ZNF44: variants seen among roughly 807,000 people sequenced by gnomAD.
ZNF44 encodes the protein gonadotropin inducible transcription repressor-2.
A neutral mutation model predicts 11.7 loss-of-function variants in ZNF44; 9 were observed. The observed-to-expected ratio is 0.77, with a 90% CI of 0.46 to 1.35. ZNF44 has a LOEUF of 1.35. Ranked by LOEUF, ZNF44 falls within the 40% of genes most tolerant of loss-of-function variation. The pLI is 0.00. For missense variants in ZNF44, 696 were observed against 743.1 expected, an observed-to-expected ratio of 0.94 and a Z score of 0.74; for synonymous variants, 224 against 242.7, an observed-to-expected ratio of 0.92 and a Z score of 0.72.
chr19:12,284,867 C>G (rs749383250), intron 1 of ZNF44: 4 of 799,892 alleles, frequency 5.0e-6, no homozygotes, highest in Middle Eastern at 3.3e-4. Context: ...CAGGCCACTG[C>G]GGCTCTGTGC....
downstream of ZNF44, among the ~76,000 whole-genome samples, chr19:12,267,538 C>G (rs1917779859): frequency 6.6e-6 from 1 of 152,140 alleles, no homozygotes; most frequent in Admixed American, 6.5e-5. Context: ...CGCCAAGTGA[C>G]AAACATATTC....
At chr19:12,255,133 C>CA (rs1917192692) in intron 5 of ZNF44, among the ~76,000 whole-genome samples, 2 of 134,324 alleles carry the variant, frequency 1.5e-5, no homozygotes, top group African/African-American at 7.4e-5. Context: ...CACACACACA[C>CA]CCCTTTGTGG....
At chr19:12,247,311 A>G, downstream of ZNF44, 1 of 1,274,268 alleles carries the variant, frequency 7.8e-7, no homozygotes, top group Non-Finnish European at 1.0e-6. Context: ...ATGGTATTGT[A>G]AGGATGCACG....
chr19:12,248,246 G>A (rs1274025238), exon 8 of ZNF44: 1 of 1,299,170 alleles, frequency 7.7e-7, no homozygotes, highest in Admixed American at 2.3e-5. Context: ...CAGATTGGTG[G>A]TATCGGAATG....
chr19:12,249,967 G>A, intron 7 of ZNF44: 1 of 1,277,770 alleles, frequency 7.8e-7, no homozygotes. Context: ...TCTTTTCTGA[G>A]TGTGACTCAC....
chr19:12,242,227 G>A (rs1441642525), upstream of ZNF44, among the ~76,000 whole-genome samples: 1 of 152,092 alleles, frequency 6.6e-6, no homozygotes, highest in Non-Finnish European at 1.5e-5. Context: ...AAAATTAAAG[G>A]CCGGGTGCGG....
intron 1 of ZNF44, among the ~76,000 whole-genome samples, chr19:12,235,143 G>A (rs1194267827): frequency 2.0e-5 from 3 of 152,184 alleles, no homozygotes; most frequent in Admixed American, 1.3e-4. Context: ...TTGGGGGGCA[G>A]AGGCGGGCGG....
rs369182280 is a variant in ZNF44, at chr19:12,273,126, G to T, written c.1129C>A (p.Arg377Ser). ...CKQCGKLLSH[R>S]SSFRRHMMAH... Reference sequence around the variant, plus strand: ...ATCATGTGTCTTCGAAAGCTTGAGCGATGAGATAACAATTTCCCACATTGC... The same window carrying T: ...ATCATGTGTCTTCGAAAGCTTGAGCTATGAGATAACAATTTCCCACATTGC... Residue 377 changes from arginine to serine, a missense_variant, in exon 4 of 4, where the codon CGC (arginine) becomes AGC (serine). Coordinates refer to ENST00000355684, the MANE Select transcript of ZNF44 (RefSeq NM_016264.4). The T allele has an allele frequency of 1.3e-5, 21 of 1,613,760 alleles. No homozygotes were observed. In the South Asian group the frequency reaches 2.0e-4, roughly 15 times the overall value.
intron 3 of ZNF44, among the ~76,000 whole-genome samples, chr19:12,229,125 T>C (rs1382310472): frequency 1.3e-5 from 2 of 152,128 alleles, no homozygotes; most frequent in Non-Finnish European, 2.9e-5. Flanking sequence ...ATAATTAGAG[T>C]TCCTTTAATA....
downstream of ZNF44, among the ~76,000 whole-genome samples, chr19:12,268,145 G>GACACACACACACACACACACACACACAC (rs71166661): frequency 5.1e-5 from 7 of 136,854 alleles, no homozygotes; most frequent in African/African-American, 1.7e-4. Context: ...CACACACACA[G>GACACACACACACACACACACACACACAC]ACACACACAC....
In ZNF44 at chr19:12,260,925, A is replaced by T. The variant is rs76184284; in HGVS notation, c.1913-10557T>A. Among the ~76,000 whole-genome samples the T allele has an allele frequency of 1.6e-3, 242 of 152,314 alleles. 1 individual carries two copies. The highest frequency in any genetic ancestry group is 5.6e-3 in the African/African-American group (234 of 41,570). On this transcript the variant is annotated intron_variant and NMD_transcript_variant, in intron 5 of 7. Transcript: ENST00000393337. ...CCCATGAGTGGTGGTCAATATCTAGACATCTTGTTCACAGCACCAACTGCT... is the reference window on the plus strand; with the variant it reads ...CCCATGAGTGGTGGTCAATATCTAGTCATCTTGTTCACAGCACCAACTGCT...
downstream of ZNF44, among the ~76,000 whole-genome samples, chr19:12,267,883 C>T (rs1353897467): frequency 6.7e-6 from 1 of 150,196 alleles, no homozygotes; most frequent in Non-Finnish European, 1.5e-5. Flanking sequence ...GTCAACCAGG[C>T]TGGAGTACAG....
intron 1 of ZNF44, among the ~76,000 whole-genome samples, chr19:12,236,650 T>C (rs1916401036): frequency 6.6e-6 from 1 of 152,186 alleles, no homozygotes; most frequent in Non-Finnish European, 1.5e-5. Context: ...GAAGCGAAGG[T>C]AGGACAGATT....
chr19:12,264,759 A>C (rs897714892), intron 5 of ZNF44, among the ~76,000 whole-genome samples: 1 of 152,106 alleles, frequency 6.6e-6, no homozygotes, highest in Non-Finnish European at 1.5e-5. Context: ...GCAGTGGCAC[A>C]ATCTTGGCTC....
At position 12,294,687 on chromosome 19, in the gene ZNF44, C is replaced by T; in HGVS notation, c.3+5G>A. The T allele has an allele frequency of 6.4e-7, 1 of 1,562,226 alleles. No individual in the cohort carries two copies. Among genetic ancestry groups the T allele is most frequent in the Non-Finnish European group, 8.7e-7 (1 of 1,154,280 alleles). ...GCCTCAGGACGCCGGGCCCCGCACA[C>T]TCACCATTTCCCGGCTGTGCGGTGT... On this transcript the variant is annotated splice_donor_5th_base_variant and intron_variant, in intron 1 of 3. Transcript: ENST00000355684.
upstream of ZNF44, among the ~76,000 whole-genome samples, chr19:12,240,555 T>A (rs1291871404): frequency 1.3e-5 from 2 of 152,050 alleles, no homozygotes; most frequent in Non-Finnish European, 2.9e-5. Context: ...CTTCCTGATT[T>A]CAAACTGGCT....
chr19:12,255,937 G>C (rs1917234885), intron 5 of ZNF44, among the ~76,000 whole-genome samples: 1 of 150,564 alleles, frequency 6.6e-6, no homozygotes, highest in Non-Finnish European at 1.5e-5. Context: ...TAGGGAGGCT[G>C]AGGCAGGAGA....
At chr19:12,226,394 G>C (rs533843105) in exon 4 of ZNF44, 26 of 152,164 alleles carry the variant, frequency 1.7e-4, no homozygotes, top group Non-Finnish European at 2.5e-4. Flanking sequence ...ACCCTGTACA[G>C]GGACTGTACA....
downstream of ZNF44, among the ~76,000 whole-genome samples, chr19:12,268,176 A>G (rs892673369): frequency 1.4e-5 from 2 of 141,836 alleles, no homozygotes; most frequent in Non-Finnish European, 3.1e-5. Flanking sequence ...ACACACACAC[A>G]CACACAAGCT....
Sources: allele counts gnomAD v4.1 joint callset (sites outside exome capture counted in the v4.1 genomes callset), GRCh38; gene constraint gnomAD v4.1.1; transcripts MANE v1.5; gene names NCBI Gene and HGNC (gene_info 2026-07-23, HGNC 2026-07-21).